SEMA3E: variants seen among roughly 807,000 people sequenced by gnomAD.
SEMA3E encodes semaphorin 3E, also known as semaphorin-3E.
A neutral mutation model predicts 93.6 loss-of-function variants in SEMA3E; 49 were observed. The ratio of observed to expected loss-of-function variants is 0.52; its 90% CI spans 0.42 to 0.66. The LOEUF is 0.66. Among genes scored for constraint, SEMA3E ranks in the 30% least tolerant of loss-of-function variants. The pLI, the probability that SEMA3E is intolerant of heterozygous loss-of-function variation, is 0.00. For synonymous variants in SEMA3E, 363 were observed against 330.7 expected (o/e 1.10, Z -1.06); for missense variants, 906 against 964.8 (o/e 0.94, Z 0.81).
rs542199609 is a variant in SEMA3E at position 83,593,486 on chromosome 7, C to T, written c.115+54942G>A. On this transcript the variant is annotated intron_variant, in intron 1 of 16. Coordinates refer to ENST00000643230, the MANE Select transcript of SEMA3E (RefSeq NM_012431.3). ...GCTACAATTTAAAACAATAAACAAT[C>T]TTAAAACAATATTTAGATATACAAT... 3.8e-4 allele frequency among the ~76,000 whole-genome samples: 57 copies of T among 151,994 alleles called. No homozygotes were observed. The South Asian group carries it at 5.8e-3, about 15-fold the overall frequency.
At chr7:83,635,662 A>T (rs1055362395) in intron 1 of SEMA3E, among the ~76,000 whole-genome samples, 3 of 151,944 alleles carry the variant, frequency 2.0e-5, no homozygotes, top group Non-Finnish European at 4.4e-5. Flanking sequence ...TGGCTTATAG[A>T]TATAGTAAAA....
At chr7:83,533,476 G>A (rs559729445) in intron 1 of SEMA3E, among the ~76,000 whole-genome samples, 6 of 152,192 alleles carry the variant, frequency 3.9e-5, no homozygotes, top group Admixed American at 2.6e-4. Flanking sequence ...CCCGGGAGGC[G>A]GAGATTGCAG....
At chr7:83,497,458 G>C (rs964228026) in intron 1 of SEMA3E, among the ~76,000 whole-genome samples, 3 of 151,958 alleles carry the variant, frequency 2.0e-5, no homozygotes, top group Non-Finnish European at 4.4e-5. Flanking sequence ...ATTGTCCTAA[G>C]GTTAATTCAA....
chr7:83,579,901 G>T (rs1792484486), intron 1 of SEMA3E, among the ~76,000 whole-genome samples: 1 of 151,984 alleles, frequency 6.6e-6, no homozygotes, highest in African/African-American at 2.4e-5. Flanking sequence ...CTTGATGTTT[G>T]TTTTTGGAAA....
At chr7:83,462,437 A>G (rs894933723) in intron 4 of SEMA3E, among the ~76,000 whole-genome samples, 1 of 152,082 alleles carries the variant, frequency 6.6e-6, no homozygotes, top group African/African-American at 2.4e-5. Context: ...AGACACTTTA[A>G]CTAAATTATC....
intron 1 of SEMA3E, among the ~76,000 whole-genome samples, chr7:83,529,188 A>T (rs1791231398): frequency 6.6e-6 from 1 of 152,142 alleles, no homozygotes; most frequent in Non-Finnish European, 1.5e-5. Flanking sequence ...ATGCTTGATA[A>T]AGGGGATGAA....
intron 1 of SEMA3E, among the ~76,000 whole-genome samples, chr7:83,582,877 TTTTTGTGTATATGTATGTAAATA>T: frequency 6.6e-6 from 1 of 152,102 alleles, no homozygotes. Flanking sequence ...TTTCATCCAC[TTTTTGTGTATATGTATGTAAATA>T]TTTTGTGTAT....
At chr7:83,508,056 TA>T (rs371153912) in intron 1 of SEMA3E, among the ~76,000 whole-genome samples, 124 of 152,294 alleles carry the variant, frequency 8.1e-4, no homozygotes, top group Middle Eastern at 6.8e-3. Flanking sequence ...TTGAGGCATT[TA>T]AAACTATCAA....
At chr7:83,454,296 T>TATATATATATAA (rs1350195502) in intron 4 of SEMA3E, among the ~76,000 whole-genome samples, 10 of 130,644 alleles carry the variant, frequency 7.7e-5, no homozygotes, top group African/African-American at 2.6e-4. Flanking sequence ...TATATATATA[T>TATATATATATAA]AATGTGTGTA....
At chr7:83,495,262 G>A (rs1790468247) in intron 1 of SEMA3E, among the ~76,000 whole-genome samples, 3 of 151,772 alleles carry the variant, frequency 2.0e-5, no homozygotes, top group Admixed American at 2.0e-4. Flanking sequence ...GAAAATTTGA[G>A]TCTTCATTAA....
chr7:83,521,062 C>CT (rs3839772), intron 1 of SEMA3E, among the ~76,000 whole-genome samples: 128,593 of 151,862 alleles, frequency 0.85, 54,683 homozygotes, highest in South Asian at 0.95. Flanking sequence ...GGTCCCTGTT[C>CT]GAGAAGGACC....
intron 4 of SEMA3E, among the ~76,000 whole-genome samples, chr7:83,439,167 T>C (rs1487522418): frequency 1.3e-5 from 2 of 152,200 alleles, no homozygotes; most frequent in African/African-American, 2.4e-5. Context: ...TTGGATGCAT[T>C]TGAAAACTCT....
At chr7:83,623,129 C>A (rs1379075660) in intron 1 of SEMA3E, among the ~76,000 whole-genome samples, 2 of 152,124 alleles carry the variant, frequency 1.3e-5, no homozygotes, top group Admixed American at 6.6e-5. Context: ...AATATCTTCT[C>A]ATTTGCCAGG....
At chr7:83,379,444 A>G (rs1787732708) in intron 16 of SEMA3E, among the ~76,000 whole-genome samples, 1 of 151,928 alleles carries the variant, frequency 6.6e-6, no homozygotes, top group Non-Finnish European at 1.5e-5. Flanking sequence ...TAAATAAGTT[A>G]CTACATATAA....
At chr7:83,457,413 T>C (rs1255290523) in intron 4 of SEMA3E, among the ~76,000 whole-genome samples, 3 of 152,220 alleles carry the variant, frequency 2.0e-5, no homozygotes, top group Non-Finnish European at 4.4e-5. Context: ...TACAAAAACC[T>C]ACCCTGCTTC....
At chr7:83,382,161 T>C (rs1352347664) in intron 16 of SEMA3E, among the ~76,000 whole-genome samples, 1 of 152,040 alleles carries the variant, frequency 6.6e-6, no homozygotes, top group Non-Finnish European at 1.5e-5. Flanking sequence ...TTTCAGAAGA[T>C]TTTGTGTTTT....
chr7:83,608,519 A>G (rs1793175430), intron 1 of SEMA3E, among the ~76,000 whole-genome samples: 1 of 152,134 alleles, frequency 6.6e-6, no homozygotes, highest in Non-Finnish European at 1.5e-5. Context: ...TAGTACATAT[A>G]TAATTCTGAG....
intron 1 of SEMA3E, among the ~76,000 whole-genome samples, chr7:83,600,319 TC>T (rs1266493024): frequency 7.5e-6 from 1 of 134,072 alleles, no homozygotes; most frequent in African/African-American, 3.1e-5. Flanking sequence ...AAATATTAAT[TC>T]TTTTTTTTTT....
At chr7:83,449,310 G>T (rs988199214) in intron 4 of SEMA3E, among the ~76,000 whole-genome samples, 1 of 151,906 alleles carries the variant, frequency 6.6e-6, no homozygotes, top group Non-Finnish European at 1.5e-5. Context: ...ATGTTGTCCA[G>T]GCTGGTCTCA....
Sources: allele counts gnomAD v4.1 joint callset (sites outside exome capture counted in the v4.1 genomes callset), GRCh38; gene constraint gnomAD v4.1.1; transcripts MANE v1.5; gene names NCBI Gene and HGNC (gene_info 2026-07-23, HGNC 2026-07-21).